SMG5: variants seen among roughly 807,000 people sequenced by gnomAD.
The protein encoded by SMG5 is nonsense-mediated mRNA decay factor SMG5.
Under a neutral mutation model 122.9 loss-of-function variants are expected in SMG5, and 53 were observed. That is an observed-to-expected ratio of 0.43 (90% CI 0.35 to 0.54). The LOEUF is 0.54. Ranked by LOEUF, SMG5 falls within the 20% of genes least tolerant of loss-of-function variation. The pLI is 0.01. For synonymous variants in SMG5, 477 were observed against 490.2 expected (o/e 0.97, Z 0.35); for missense variants, 1,153 against 1,285.6 (o/e 0.90, Z 1.58).
chr1:156,265,079 C>T (rs887445422), intron 12 of SMG5, among the ~76,000 whole-genome samples: 5 of 100,724 alleles, frequency 5.0e-5, no homozygotes, highest in Admixed American at 2.1e-4. Flanking sequence ...ACACAAAAGC[C>T]GGGCATGGTA....
chr1:156,275,383 T>C (rs1345754193), intron 4 of SMG5, among the ~76,000 whole-genome samples: 1 of 152,222 alleles, frequency 6.6e-6, no homozygotes, highest in African/African-American at 2.4e-5. Context: ...TTCAGAGAGC[T>C]TGAGATCTTT....
At chr1:156,254,635 G>A (rs1490421872) in intron 16 of SMG5, among the ~76,000 whole-genome samples, 4 of 151,976 alleles carry the variant, frequency 2.6e-5, no homozygotes, top group Non-Finnish European at 4.4e-5. Flanking sequence ...GTAGAGACTG[G>A]GTTTCACCAT....
chr1:156,276,937 T>G (rs2277872), intron 4 of SMG5, 148 bp downstream of exon 4: 162,554 of 751,488 alleles, frequency 0.22, 18,873 homozygotes, highest in Admixed American at 0.34. Context: ...ATTGTCTGGA[T>G]AAATCCAAAC....
In SMG5 at chr1:156,263,400, C is replaced by A; in HGVS notation, c.2026G>T (p.Ala676Ser). The part of the protein sequence containing the change: ...RTNPDLIIVC[A>S]QSSQSLWNRL... Reference sequence around the variant, plus strand: ...AATGGAGTGGACTGACACACCTGCGCACACACGATGATGAGGTCGGGGTTG... The same window carrying A: ...AATGGAGTGGACTGACACACCTGCGAACACACGATGATGAGGTCGGGGTTG... Residue 676 changes from alanine to serine, a missense_variant, in exon 13 of 22, where the codon GCG becomes TCG. Transcript: ENST00000361813. 1 of 1,613,168 alleles carries A rather than the reference C, an allele frequency of 6.2e-7. No individual in the cohort carries two copies. Among genetic ancestry groups the A allele is most frequent in the Admixed American group, 1.7e-5 (1 of 59,982 alleles).
rs577661782 is a variant in SMG5 at position 156,260,615 on chromosome 1, A to G, written c.2119T>C (p.Cys707Arg). Residue 707 changes from cysteine (C) to arginine (R), a missense_variant, in exon 15 of 22, where the codon TGT (cysteine) becomes CGT (arginine). Coordinates refer to ENST00000361813, the MANE Select transcript of SMG5 (RefSeq NM_015327.3). ...TCAAGAAGATCTTGGACCTCAGGACACAAGGCCAGGCCTGGGCAGAAGAAG... is the reference window on the plus strand; with the variant it reads ...TCAAGAAGATCTTGGACCTCAGGACGCAAGGCCAGGCCTGGGCAGAAGAAG... ...GELQESGLALCPEVQDLLEGC... is the reference protein window; with the variant it reads ...GELQESGLALRPEVQDLLEGC... 15 of 1,510,118 alleles carry G rather than the reference A, an allele frequency of 9.9e-6. No individual in the cohort carries two copies. In the African/African-American group the frequency reaches 1.4e-4, roughly 14 times the overall value. 93.5% of individuals were successfully genotyped at this position (1,510,118 alleles called of 1,614,324 possible). A position where few individuals can be genotyped will look rare whatever the true frequency, so the allele number is the denominator to read the frequency against.
Position 156,250,684 on chromosome 1 carries a change from G to C in SMG5, c.2968-14C>G. ...CTGCAGGGCTGCCTGTGGAATGGGA[G>C]AAGGAAAGATGGAGAGGGTCTGACC... On this transcript the variant is annotated splice_polypyrimidine_tract_variant and intron_variant, in intron 21 of 21. Transcript: ENST00000361813. 3 of 1,613,622 alleles carry C rather than the reference G, an allele frequency of 1.9e-6. No individual in the cohort carries two copies. The highest frequency in any genetic ancestry group is 1.7e-6 in the Non-Finnish European group (2 of 1,179,528).
Position 156,253,155 on chromosome 1 carries a change from T to TG in SMG5, c.2503-78dup, listed in dbSNP as rs1475963320. On this transcript the variant is annotated intron_variant, in intron 17 of 21. Coordinates refer to ENST00000361813, the MANE Select transcript of SMG5 (RefSeq NM_015327.3). Reference sequence around the variant, plus strand: ...GCCGGGGGAAGAGTGGTGCTCAAGGTGGCTCTATGGGGCTCCTCCTGTTGT... The same window carrying TG: ...GCCGGGGGAAGAGTGGTGCTCAAGGTGGGCTCTATGGGGCTCCTCCTGTTGT... 2.8e-6 allele frequency: 4 copies of TG among 1,454,102 alleles called. No individual in the cohort carries two copies. In the African/African-American group the frequency reaches 5.6e-5, roughly 20 times the overall value. 90.1% of individuals were successfully genotyped at this position (1,454,102 alleles called of 1,614,324 possible).
chr1:156,273,337 A>G (rs1172314233), intron 6 of SMG5, 24 bp downstream of exon 6: 2 of 1,603,206 alleles, frequency 1.2e-6, no homozygotes, highest in South Asian at 2.2e-5. Context: ...CTGGATTCAG[A>G]GGCCCAAGTT....
chr1:156,261,072 C>A (rs573880989), intron 14 of SMG5, among the ~76,000 whole-genome samples: 1 of 152,312 alleles, frequency 6.6e-6, no homozygotes, highest in Non-Finnish European at 1.5e-5. Context: ...GGTCTGGCTC[C>A]CAGGGCCCTC....
upstream of SMG5, chr1:156,286,035 G>C (rs1171829350): frequency 6.4e-7 from 1 of 1,561,184 alleles, no homozygotes; most frequent in Admixed American, 1.8e-5. Flanking sequence ...GAGGAGGGCA[G>C]GGCCTGGCTG....
intron 10 of SMG5, 59 bp from the exon 11 acceptor site, chr1:156,266,737 T>A: frequency 6.3e-7 from 1 of 1,588,128 alleles, no homozygotes; most frequent in Non-Finnish European, 8.6e-7. Flanking sequence ...GTAGGCACCA[T>A]CAATTCCAAC....
chr1:156,282,696 G>A lies in SMG5; in HGVS notation c.-16C>T, dbSNP rs775274681. The A allele has an allele frequency of 2.5e-6, 4 of 1,593,506 alleles. No homozygotes were observed. In the African/African-American group the frequency reaches 4.0e-5, roughly 16 times the overall value. On this transcript the variant is annotated 5_prime_UTR_variant, in exon 1 of 22. Coordinates refer to ENST00000361813, the MANE Select transcript of SMG5 (RefSeq NM_015327.3). ...CTTGGCTCATGGTGCCCGGGTCCGG[G>A]GGCAGCTCCCGGTCACAGGCCCCTG...
rs558923833 is a variant in SMG5, at chr1:156,282,149, C to T, written c.74+458G>A. Among the ~76,000 whole-genome samples, 14 of 152,212 alleles carry T rather than the reference C, an allele frequency of 9.2e-5. No homozygotes were observed. The South Asian group carries it at 1.5e-3, about 16-fold the overall frequency. ...CTTTTTAAGGATAAGGAAACTGAGG[C>T]CCAAGGTCACACCGTGAGAGAGTGG... On this transcript the variant is annotated intron_variant, in intron 1 of 21. Coordinates refer to ENST00000361813, the MANE Select transcript of SMG5 (RefSeq NM_015327.3).
rs763296689 is a variant in SMG5 at position 156,266,011 on chromosome 1, G to A, written c.1625C>T (p.Pro542Leu). The change falls in exon 12 of 22, where the codon CCT becomes CTT. Residue 542 changes from proline (P) to leucine (L), a missense_variant. Physicochemically the swap from Pro to Leu is moderately conservative, Grantham distance 98. This residue lies in a region of SMG5 where 631 missense variants were observed against 650.6 expected (regional missense o/e 0.97). Transcript: ENST00000361813. Reference protein sequence around the residue: ...EGTRSPTLEPPRGRSEAPDSL... With the variant: ...EGTRSPTLEPLRGRSEAPDSL... ...ATCGGGAGCCTCTGATCTGCCCCGA[G>A]GGGGCTCCAGGGTTGGTGACCGTGT... is the stretch of plus-strand genomic sequence containing the variant. The A allele has an allele frequency of 1.2e-6, 2 of 1,614,236 alleles. No individual in the cohort carries two copies. Among genetic ancestry groups the A allele is most frequent in the Non-Finnish European group, 1.7e-6 (2 of 1,180,040 alleles).
chr1:156,266,321 G>C lies in SMG5; in HGVS notation c.1315C>G (p.Pro439Ala), dbSNP rs1482061337. Residue 439 changes from proline (P) to alanine (A), a missense_variant, in exon 12 of 22, where the codon CCT becomes GCT. Pro to Ala is a conservative substitution (Grantham distance 27). Transcript: ENST00000361813. The stretch of plus-strand genomic sequence containing the variant: ...CCCTCACCCACTTGGGGTGTTACAG[G>C]AGGAGGCTCAGGATCTGGCTCCTCC... ...KEEEPDPEPP[P>A]VTPQVGEGRK... The C allele has an allele frequency of 3.2e-5, 51 of 1,614,090 alleles. No homozygotes were observed. Among genetic ancestry groups the C allele is most frequent in the Non-Finnish European group, 4.2e-5 (50 of 1,180,046 alleles).
At chr1:156,281,814 A>G (rs943262193) in intron 1 of SMG5, among the ~76,000 whole-genome samples, 1 of 152,154 alleles carries the variant, frequency 6.6e-6, no homozygotes, top group Non-Finnish European at 1.5e-5. Context: ...TCCACCTTTG[A>G]TGGGAAGAGC....
intron 17 of SMG5, 65 bp downstream of exon 17, chr1:156,253,384 G>A: frequency 6.6e-7 from 1 of 1,526,350 alleles, no homozygotes; most frequent in Non-Finnish European, 9.1e-7. Flanking sequence ...GGGGAGACCT[G>A]CCAGTAGGGT....
intron 14 of SMG5, 81 bp from the exon 15 acceptor site, chr1:156,260,707 T>A (rs1330984899): frequency 7.7e-7 from 1 of 1,298,626 alleles, no homozygotes; most frequent in African/African-American, 1.5e-5. Flanking sequence ...CCTTTGGGAA[T>A]TATCAGGCTG....
rs1662760755 is a variant in SMG5 at position 156,278,021 on chromosome 1, C to T, written c.201G>A (p.Met67Ile). 2 of 1,614,038 alleles carry T rather than the reference C, an allele frequency of 1.2e-6. No individual in the cohort carries two copies. The highest frequency in any genetic ancestry group is 1.3e-5 in the African/African-American group (1 of 74,916). The change falls in exon 3 of 22, where the codon ATG becomes ATA. Residue 67 changes from methionine (M) to isoleucine (I), a missense_variant. Coordinates refer to ENST00000361813, the MANE Select transcript of SMG5 (RefSeq NM_015327.3). ...NKLRELCVKLMFLHPVDYGRK... is the reference protein window; with the variant it reads ...NKLRELCVKLIFLHPVDYGRK... ...TCCCATAGTCCACTGGGTGCAGGAA[C>T]ATAAGCTTGACGCAGAGCTCACGCA...
Sources: gnomAD v4.1 joint callset for allele counts (sites outside exome capture counted in the v4.1 genomes callset) on GRCh38, gnomAD v4.1.1 for gene constraint, gnomAD v4.1.1 regional missense constraint, MANE v1.5 for transcripts, NCBI Gene and HGNC (gene_info 2026-07-23, HGNC 2026-07-21) for gene names.